The following MOB1B variants were observed in gnomAD, a reference collection of about 807,000 sequenced individuals.
MOB1B encodes MOB kinase activator 1B, also known as MOB1 Mps One Binder homolog B.
A neutral mutation model predicts 24.4 loss-of-function variants in MOB1B; 19 were observed. That is an observed-to-expected ratio of 0.78 (90% CI 0.54 to 1.14). The LOEUF (loss-of-function observed/expected upper bound fraction) is 1.14. Among genes scored for constraint, MOB1B ranks in the 50% most tolerant of loss-of-function variants. MOB1B has a pLI of 0.00. For missense variants in MOB1B, 243 were observed against 259.6 expected (o/e 0.94, Z 0.44); for synonymous variants, 76 against 82.1 (o/e 0.93, Z 0.40).
chr4:70,903,021 C>A (rs924314185), intron 1 of MOB1B, among the ~76,000 whole-genome samples: 15 of 152,152 alleles, frequency 9.9e-5, no homozygotes, highest in Non-Finnish European at 2.2e-4. Flanking sequence ...ATCCCAGGAC[C>A]CTTTTAACTT....
In MOB1B at chr4:70,902,473, T is replaced by C. The variant is rs1377825917; in HGVS notation, c.-64T>C. Reference sequence around the variant, plus strand: ...CTGTTCCATTCGCCTTTCCTCTTCTTTCCTGGCCCACGCCGCTCCGAGGCC... The same window carrying C: ...CTGTTCCATTCGCCTTTCCTCTTCTCTCCTGGCCCACGCCGCTCCGAGGCC... On this transcript the variant is annotated 5_prime_UTR_variant, in exon 1 of 6. Coordinates refer to ENST00000309395, the MANE Select transcript of MOB1B (RefSeq NM_173468.4). 15 of 1,538,194 alleles carry C rather than the reference T, an allele frequency of 9.8e-6. No individual in the cohort carries two copies. Among genetic ancestry groups the C allele is most frequent in the Non-Finnish European group, 1.2e-5 (14 of 1,135,502 alleles).
Position 70,905,601 on chromosome 4 carries a change from G to A in MOB1B, c.14+3051G>A, listed in dbSNP as rs190116785. Among the ~76,000 whole-genome samples, 26 of 152,198 alleles carry A rather than the reference G, an allele frequency of 1.7e-4. No individual in the cohort carries two copies. In the East Asian group the frequency reaches 5.0e-3, roughly 29 times the overall value. ...AGAGAAGGAAAGCGTTACAGCTTAG[G>A]AGTTAAATACAAATATTTTCCTCCC... On this transcript the variant is annotated intron_variant, in intron 1 of 5. Coordinates refer to ENST00000309395, the MANE Select transcript of MOB1B (RefSeq NM_173468.4).
At chr4:70,940,790 C>T (rs1737300418) in intron 1 of MOB1B, among the ~76,000 whole-genome samples, 1 of 151,980 alleles carries the variant, frequency 6.6e-6, no homozygotes, top group East Asian at 1.9e-4. Context: ...AATTCTCCTG[C>T]CTCAGCCTCC....
At chr4:70,941,702 G>C (rs1737354586) in intron 1 of MOB1B, among the ~76,000 whole-genome samples, 1 of 151,896 alleles carries the variant, frequency 6.6e-6, no homozygotes, top group South Asian at 2.1e-4. Flanking sequence ...TTTCTCTTTG[G>C]TATCTTTCTT....
At chr4:70,959,414 A>G (rs553260826) in intron 2 of MOB1B, among the ~76,000 whole-genome samples, 31 of 152,206 alleles carry the variant, frequency 2.0e-4, no homozygotes, top group African/African-American at 5.3e-4. Context: ...AGTTCTCACT[A>G]TGTTGTCCAG....
intron 4 of MOB1B, chr4:70,975,559 A>C: frequency 9.3e-7 from 1 of 1,071,010 alleles, no homozygotes; most frequent in Non-Finnish European, 1.1e-6. Context: ...TAGAAAATAA[A>C]TGATCTCCCT....
At chr4:70,951,836 CT>C (rs1172236596) in intron 1 of MOB1B, among the ~76,000 whole-genome samples, 3 of 152,188 alleles carry the variant, frequency 2.0e-5, no homozygotes, top group Non-Finnish European at 4.4e-5. Flanking sequence ...CCCTGCATTC[CT>C]GCCTGGGCAA....
chr4:70,979,516 C>A (rs1249028552), intron 5 of MOB1B, among the ~76,000 whole-genome samples: 2 of 152,120 alleles, frequency 1.3e-5, no homozygotes, highest in East Asian at 3.9e-4. Flanking sequence ...AAAAGTTGTG[C>A]CTTGGATTTG....
In MOB1B at chr4:70,935,847, ATTTTTTT is replaced by A. The variant is rs11395356; in HGVS notation, c.15-23011_15-23005del. On this transcript the variant is annotated intron_variant, in intron 1 of 5. Transcript: ENST00000309395. Reference sequence around the variant, plus strand: ...GTGTACCACCATGCCTGGTACACTAATTTTTTTTTTTTTTTTTTTTTTGAGACGGAGT... The same window carrying A: ...GTGTACCACCATGCCTGGTACACTAATTTTTTTTTTTTTTTGAGACGGAGT... Among the ~76,000 whole-genome samples, 248 of 100,386 alleles carry A rather than the reference ATTTTTTT, an allele frequency of 2.5e-3. 1 individual carries two copies. Among genetic ancestry groups the A allele is most frequent in the African/African-American group, 9.4e-3 (230 of 24,460 alleles). The allele number at this position is 100,386 out of a possible 152,430, so 65.9% of individuals were successfully genotyped here.
At chr4:70,926,246 A>G (rs2148876200) in intron 1 of MOB1B, among the ~76,000 whole-genome samples, 1 of 150,742 alleles carries the variant, frequency 6.6e-6, no homozygotes, top group East Asian at 1.9e-4. Context: ...TGGCCTCCCA[A>G]GTGCTGGGAT....
intron 1 of MOB1B, among the ~76,000 whole-genome samples, chr4:70,916,861 G>A (rs183650539): frequency 4.6e-5 from 7 of 152,244 alleles, no homozygotes; most frequent in Admixed American, 6.5e-5. Flanking sequence ...GAGCCACTGC[G>A]CCTGGCCTAC....
intron 2 of MOB1B, among the ~76,000 whole-genome samples, chr4:70,961,085 TG>T (rs1738283248): frequency 1.3e-5 from 2 of 152,174 alleles, no homozygotes; most frequent in African/African-American, 4.8e-5. Context: ...TACGTACCTA[TG>T]ATAAAGCTTA....
chr4:70,943,866 CAAAAT>C (rs1307809195), intron 1 of MOB1B, among the ~76,000 whole-genome samples: 1 of 148,676 alleles, frequency 6.7e-6, no homozygotes, highest in East Asian at 2.0e-4. Flanking sequence ...CTTTTTCAAT[CAAAAT>C]AAAAAAAAAC....
At chr4:70,981,158 G>C (rs1483066281) in intron 5 of MOB1B, among the ~76,000 whole-genome samples, 1 of 152,130 alleles carries the variant, frequency 6.6e-6, no homozygotes, top group South Asian at 2.1e-4. Context: ...ACCCATTTGT[G>C]TTTTTGGCCC....
At chr4:70,905,912 C>T (rs185978299) in intron 1 of MOB1B, among the ~76,000 whole-genome samples, 333 of 151,560 alleles carry the variant, frequency 2.2e-3, no homozygotes, top group Non-Finnish European at 3.4e-3. Flanking sequence ...CCTAAAAATA[C>T]AAAAATTAGC....
At chr4:70,977,697 A>AT (rs1739059076) in intron 4 of MOB1B, among the ~76,000 whole-genome samples, 3 of 151,838 alleles carry the variant, frequency 2.0e-5, no homozygotes, top group Admixed American at 6.6e-5. Context: ...TCTTCTTTTA[A>AT]ATTTTTTTTT....
chr4:70,958,642 A>G (rs762847252), intron 1 of MOB1B: 2 of 594,972 alleles, frequency 3.4e-6, no homozygotes, highest in Non-Finnish European at 6.3e-6. Flanking sequence ...TTGTTTTTTC[A>G]TTAATTTATT....
chr4:70,970,556 C>T (rs1738713563), intron 3 of MOB1B, among the ~76,000 whole-genome samples: 1 of 152,076 alleles, frequency 6.6e-6, no homozygotes, highest in African/African-American at 2.4e-5. Context: ...CAGAGCTTGC[C>T]ACCTTGTTTT....
At position 70,910,766 on chromosome 4, in the gene MOB1B, A is replaced by T. The variant is rs539918102; in HGVS notation, c.14+8216A>T. Among the ~76,000 whole-genome samples, 56 of 152,192 alleles carry T rather than the reference A, an allele frequency of 3.7e-4. 1 individual carries two copies. In the East Asian group the frequency reaches 6.8e-3, roughly 18 times the overall value. On this transcript the variant is annotated intron_variant, in intron 1 of 5. Coordinates refer to ENST00000309395, the MANE Select transcript of MOB1B (RefSeq NM_173468.4). ...ACCTTCAGAGACAACTGTTGTTTGTATTTAGGGATAAAGTTCTGAATCTTT... is the reference window on the plus strand; with the variant it reads ...ACCTTCAGAGACAACTGTTGTTTGTTTTTAGGGATAAAGTTCTGAATCTTT...
Sources: gnomAD v4.1 joint callset for allele counts (sites outside exome capture counted in the v4.1 genomes callset) on GRCh38, gnomAD v4.1.1 for gene constraint, MANE v1.5 for transcripts, NCBI Gene and HGNC (gene_info 2026-07-23, HGNC 2026-07-21) for gene names.